LDAH: variants seen among roughly 807,000 people sequenced by gnomAD.
LDAH encodes lipid droplet-associated hydrolase.
In LDAH, 26 loss-of-function variants were observed where a neutral mutation model predicts 29.6. The ratio of observed to expected loss-of-function variants is 0.88; its 90% confidence interval spans 0.64 to 1.22. The LOEUF (loss-of-function observed/expected upper bound fraction) is 1.22. Among genes scored for constraint, LDAH ranks in the 50% most tolerant of loss-of-function variants. LDAH has a pLI of 0.00. For missense variants in LDAH, 344 were observed against 387.3 expected, an observed-to-expected ratio of 0.89 and a Z score of 0.94; for synonymous variants, 117 against 133.0, an observed-to-expected ratio of 0.88 and a Z score of 0.83.
At chr2:20,717,456 C>G (rs553408714) in intron 5 of LDAH, among the ~76,000 whole-genome samples, 1 of 152,188 alleles carries the variant, frequency 6.6e-6, no homozygotes, top group South Asian at 2.1e-4. Flanking sequence ...TCAGAAGTTA[C>G]TCAAATTATG....
At position 20,702,679 on chromosome 2, in the gene LDAH, C is replaced by G. The variant is rs1167631415; in HGVS notation, c.704-1027G>C. 3.3e-5 allele frequency among the ~76,000 whole-genome samples: 5 copies of G among 152,094 alleles called. No individual in the cohort carries two copies. The East Asian group carries it at 9.6e-4, about 29-fold the overall frequency. On this transcript the variant is annotated intron_variant, in intron 5 of 6. Coordinates refer to ENST00000237822, the MANE Select transcript of LDAH (RefSeq NM_021925.4). ...TTATTTATCTAGTGGTTAGCCTTAC[C>G]TAAAAACTGCAAACTTACTTTTTAT...
At chr2:20,702,482 C>T (rs796490189) in intron 5 of LDAH, among the ~76,000 whole-genome samples, 17 of 152,268 alleles carry the variant, frequency 1.1e-4, no homozygotes, top group African/African-American at 3.9e-4. Flanking sequence ...AACATATTCA[C>T]ATATATTGAG....
At chr2:20,819,744 G>C (rs2125174289) in intron 1 of LDAH, among the ~76,000 whole-genome samples, 1 of 152,302 alleles carries the variant, frequency 6.6e-6, no homozygotes, top group African/African-American at 2.4e-5. Context: ...ATTCAACATA[G>C]TGTTGGAAGT....
At chr2:20,727,317 C>T (rs920564241) in intron 5 of LDAH, among the ~76,000 whole-genome samples, 5 of 152,136 alleles carry the variant, frequency 3.3e-5, no homozygotes, top group Admixed American at 6.5e-5. Context: ...AGTCTGGTTT[C>T]GTCTTACTCA....
intron 4 of LDAH, among the ~76,000 whole-genome samples, chr2:20,749,812 G>C (rs746297144): frequency 6.6e-6 from 1 of 152,076 alleles, no homozygotes; most frequent in African/African-American, 2.4e-5. Context: ...TAACAGAACA[G>C]GTTAGGATCT....
At chr2:20,754,742 T>C (rs1488227736) in intron 4 of LDAH, among the ~76,000 whole-genome samples, 2 of 151,946 alleles carry the variant, frequency 1.3e-5, no homozygotes, top group Non-Finnish European at 2.9e-5. Context: ...AAATACAAAA[T>C]CAGGATAATC....
intron 6 of LDAH, among the ~76,000 whole-genome samples, chr2:20,695,687 A>T (rs1005588109): frequency 1.3e-5 from 2 of 152,010 alleles, no homozygotes; most frequent in African/African-American, 4.8e-5. Context: ...TGACCTCATG[A>T]TCCACCCGCC....
At chr2:20,771,744 C>A (rs1476478903) in intron 4 of LDAH, among the ~76,000 whole-genome samples, 1 of 150,480 alleles carries the variant, frequency 6.6e-6, no homozygotes, top group African/African-American at 2.5e-5. Flanking sequence ...TCCTACCCCC[C>A]AAAAGAGGTG....
At chr2:20,769,585 G>C (rs1669268480) in intron 4 of LDAH, among the ~76,000 whole-genome samples, 1 of 152,108 alleles carries the variant, frequency 6.6e-6, no homozygotes, top group Non-Finnish European at 1.5e-5. Context: ...TTTTTCCTTA[G>C]TATGGATGAG....
chr2:20,774,068 C>T (rs1669621687), intron 4 of LDAH, among the ~76,000 whole-genome samples: 1 of 152,170 alleles, frequency 6.6e-6, no homozygotes, highest in Non-Finnish European at 1.5e-5. Context: ...ATGGAAAGGG[C>T]TTAATATATG....
At chr2:20,819,662 G>A (rs961693820) in intron 1 of LDAH, among the ~76,000 whole-genome samples, 1 of 152,120 alleles carries the variant, frequency 6.6e-6, no homozygotes. Context: ...ATATCATACT[G>A]AATGGGCAAA....
At position 20,687,010 on chromosome 2, in the gene LDAH, T is replaced by G; in HGVS notation, c.871A>C (p.Ile291Leu). The G allele has an allele frequency of 6.2e-7, 1 of 1,614,116 alleles. No individual in the cohort carries two copies. The highest frequency in any genetic ancestry group is 8.5e-7 in the Non-Finnish European group (1 of 1,179,972). The change falls in exon 7 of 7, where the codon ATT (isoleucine) becomes CTT (leucine). Residue 291 changes from isoleucine (I) to leucine (L), a missense_variant. By Grantham distance (5) the Ile-to-Leu change is conservative. Coordinates refer to ENST00000237822, the MANE Select transcript of LDAH (RefSeq NM_021925.4). ...GGTATGTTTTTCTCACAGAGTCGAA[T>G]GTCTCCTTCTGGAAAATCCTTCTTA... ...DIKKDFPEGD[I>L]RLCEKNIPHA...
intron 4 of LDAH, among the ~76,000 whole-genome samples, chr2:20,742,437 T>C (rs1667245812): frequency 6.6e-6 from 1 of 152,232 alleles, no homozygotes; most frequent in Non-Finnish European, 1.5e-5. Flanking sequence ...ATATTTATGC[T>C]TGTAGTTCTA....
chr2:20,738,210 C>T (rs1231056752), intron 5 of LDAH, among the ~76,000 whole-genome samples: 3 of 150,874 alleles, frequency 2.0e-5, no homozygotes, highest in Admixed American at 1.3e-4. Flanking sequence ...CGAGATCGCG[C>T]CACTGCACTC....
intron 5 of LDAH, among the ~76,000 whole-genome samples, chr2:20,709,233 T>C (rs1378726744): frequency 6.6e-6 from 1 of 152,154 alleles, no homozygotes; most frequent in Non-Finnish European, 1.5e-5. Context: ...ATGAGGTGTA[T>C]ATAAAATATA....
intron 1 of LDAH, among the ~76,000 whole-genome samples, chr2:20,811,492 T>G (rs977833391): frequency 1.3e-4 from 19 of 151,738 alleles, no homozygotes; most frequent in African/African-American, 4.4e-4. Context: ...TAGTTTTTTT[T>G]TTTTGTTTTT....
intron 4 of LDAH, among the ~76,000 whole-genome samples, chr2:20,758,588 C>T (rs1466510403): frequency 1.3e-5 from 2 of 152,048 alleles, no homozygotes; most frequent in East Asian, 1.9e-4. Context: ...AAGAAATATG[C>T]AATGCCTATA....
At chr2:20,700,118 A>T (rs1572422257) in intron 6 of LDAH, among the ~76,000 whole-genome samples, 1 of 152,244 alleles carries the variant, frequency 6.6e-6, no homozygotes, top group African/African-American at 2.4e-5. Flanking sequence ...TTTTTGAAAC[A>T]GATTCACTTA....
At chr2:20,697,633 T>C (rs1229061020) in intron 6 of LDAH, among the ~76,000 whole-genome samples, 2 of 152,208 alleles carry the variant, frequency 1.3e-5, no homozygotes, top group Admixed American at 6.5e-5. Flanking sequence ...CTCTTCAGTG[T>C]GGCATATCAT....
Sources: allele counts gnomAD v4.1 joint callset (sites outside exome capture counted in the v4.1 genomes callset), GRCh38; gene constraint gnomAD v4.1.1; transcripts MANE v1.5; gene names NCBI Gene and HGNC (gene_info 2026-07-23, HGNC 2026-07-21).